RIF1: variants seen among roughly 807,000 people sequenced by gnomAD.
The protein encoded by RIF1 is telomere-associated protein RIF1.
A neutral mutation model predicts 247.1 loss-of-function variants in RIF1; 45 were observed. That is an observed-to-expected ratio of 0.18 (90% CI 0.14 to 0.23). RIF1 has a LOEUF of 0.23. Among genes scored for constraint, RIF1 ranks in the 10% least tolerant of loss-of-function variants. RIF1 has a pLI of 1.00. For missense variants in RIF1, 2,967 were observed against 2,862.5 expected, an observed-to-expected ratio of 1.04 and a Z score of -0.83; for synonymous variants, 1,087 against 978.8, an observed-to-expected ratio of 1.11 and a Z score of -2.06.
At chr2:151,509,980 A>C (rs752331021), downstream of RIF1, among the ~76,000 whole-genome samples, 4 of 152,218 alleles carry the variant, frequency 2.6e-5, no homozygotes, top group Non-Finnish European at 4.4e-5. Context: ...TCAAAATTAC[A>C]AAGTTTTTCA....
the RIF1 span, chr2:151,519,197 C>T: frequency 5.7e-6 from 4 of 703,212 alleles, no homozygotes; most frequent in Non-Finnish European, 1.0e-5. Context: ...ATACCTCATT[C>T]ATAGTAGCCA....
At chr2:151,447,166 A>T (rs1468876794) in intron 20 of RIF1, among the ~76,000 whole-genome samples, 1 of 150,852 alleles carries the variant, frequency 6.6e-6, no homozygotes, top group Non-Finnish European at 1.5e-5. Flanking sequence ...GATGGTCTCG[A>T]TCTCCTGACC....
chr2:151,503,347 A>G lies in RIF1; in HGVS notation c.*861+162A>G, dbSNP rs754895962. 1 of 1,597,674 alleles carries G rather than the reference A, an allele frequency of 6.3e-7. No individual in the cohort carries two copies. The highest frequency in any genetic ancestry group is 8.6e-7 in the Non-Finnish European group (1 of 1,166,068). On this transcript the variant is annotated intron_variant and NMD_transcript_variant, in intron 12 of 13. Coordinates refer to the RIF1 transcript ENST00000454583. Reference sequence around the variant, plus strand: ...TTTCTTATATGATATATTTGTAAATACCGAGCTAAAGTTCTCTTGATTGCG... The same window carrying G: ...TTTCTTATATGATATATTTGTAAATGCCGAGCTAAAGTTCTCTTGATTGCG...
At chr2:151,512,182 C>T (rs994476516), downstream of RIF1, among the ~76,000 whole-genome samples, 5 of 151,904 alleles carry the variant, frequency 3.3e-5, no homozygotes, top group Admixed American at 3.3e-4. Flanking sequence ...AGGTGCCTGC[C>T]ACCACGCCCG....
At chr2:151,453,989 G>A (rs1039726367) in intron 21 of RIF1, among the ~76,000 whole-genome samples, 1 of 152,154 alleles carries the variant, frequency 6.6e-6, no homozygotes, top group African/African-American at 2.4e-5. Context: ...TCACTTGTAT[G>A]TAACCAGTCT....
chr2:151,455,242 T>G, intron 22 of RIF1, 83 bp downstream of exon 22: 3 of 993,144 alleles, frequency 3.0e-6, no homozygotes, highest in Non-Finnish European at 4.3e-6. Context: ...TAATCAGCTG[T>G]GTTGTAGATG....
At chr2:151,417,244 G>A (rs11685727) in intron 6 of RIF1, among the ~76,000 whole-genome samples, 139,911 of 152,240 alleles carry the variant, frequency 0.92, 64,911 homozygotes, top group East Asian at 1. Context: ...TAGGAAGGCA[G>A]TCAGTGTTTA....
intron 20 of RIF1, among the ~76,000 whole-genome samples, chr2:151,451,277 C>T (rs561327080): frequency 1.7e-4 from 26 of 152,216 alleles, no homozygotes; most frequent in Non-Finnish European, 1.6e-4. Context: ...CTAGAGTATT[C>T]AGTATAGTAA....
chr2:151,505,039 TATG>T (rs1482337463), intron 12 of RIF1, among the ~76,000 whole-genome samples: 4 of 152,192 alleles, frequency 2.6e-5, no homozygotes. Context: ...CTATCATTCA[TATG>T]ATGTGTCATA....
chr2:151,413,928 A>G (rs1303628243), intron 3 of RIF1, among the ~76,000 whole-genome samples: 4 of 152,212 alleles, frequency 2.6e-5, no homozygotes, highest in Non-Finnish European at 4.4e-5. Flanking sequence ...AATGGGGTAC[A>G]GGGTAAAAGT....
At chr2:151,411,218 T>C (rs768815847) in intron 2 of RIF1, 42 bp from the exon 3 acceptor site, 69 of 1,135,400 alleles carry the variant, frequency 6.1e-5, no homozygotes, top group Middle Eastern at 2.1e-4. Flanking sequence ...TTTTTTTTTT[T>C]CCTGTCAACT....
At chr2:151,424,893 C>T (rs960958116) in intron 8 of RIF1, among the ~76,000 whole-genome samples, 1 of 124,996 alleles carries the variant, frequency 8.0e-6, no homozygotes, top group East Asian at 2.5e-4. Flanking sequence ...TGCCGTGCTG[C>T]TCAGGCTGGT....
intron 30 of RIF1, 66 bp from the exon 31 acceptor site, chr2:151,467,934 A>T: frequency 6.7e-7 from 1 of 1,486,502 alleles, no homozygotes. Flanking sequence ...CTCATAATGA[A>T]AATTTATGGT....
intron 12 of RIF1, among the ~76,000 whole-genome samples, chr2:151,503,829 G>C (rs913648226): frequency 2.8e-4 from 42 of 152,048 alleles, no homozygotes; most frequent in African/African-American, 9.9e-4. Flanking sequence ...TCCAATCATA[G>C]GATACTCTAT....
At chr2:151,467,861 G>A (rs1290799631) in intron 30 of RIF1, 139 bp from the exon 31 acceptor site, 1 of 678,574 alleles carries the variant, frequency 1.5e-6, no homozygotes, top group African/African-American at 1.8e-5. Context: ...CAGTCGCTAG[G>A]AACTGTGCAG....
chr2:151,465,325 T>A lies in RIF1; in HGVS notation c.5805T>A (p.Thr1935=), dbSNP rs148795978. 1.9e-6 allele frequency: 3 copies of A among 1,613,840 alleles called. No individual in the cohort carries two copies. The highest frequency in any genetic ancestry group is 2.5e-6 in the Non-Finnish European group (3 of 1,179,980). ...TTCATGGACAAGAGAGAACCAAAAC[T>A]GGTATTTCTGAAGAAGCAGCAATAG... The part of the protein sequence containing the change: ...ASFHGQERTK[T]GISEEAAIEE... The change falls in exon 30 of 36, where the codon ACT becomes ACA. Residue 1935 remains threonine (T), a synonymous_variant. Coordinates refer to ENST00000444746, the MANE Select transcript of RIF1 (RefSeq NM_018151.5).
At position 151,457,928 on chromosome 2, in the gene RIF1, C is replaced by A; in HGVS notation, c.2820C>A (p.Ala940=). The change falls in exon 24 of 36, where the codon GCC becomes GCA. Residue 940 remains alanine (A), a synonymous_variant. Transcript: ENST00000444746. The stretch of plus-strand genomic sequence containing the variant: ...CTCAGTTCTGGAATGCCACTTTTGC[C>A]AAAGTGATGATGTTGGTTTATCCTG... The part of the protein sequence containing the change: ...QSAQFWNATF[A]KVMMLVYPEE... 1.2e-6 allele frequency: 2 copies of A among 1,613,616 alleles called. No homozygotes were observed. Among genetic ancestry groups the A allele is most frequent in the South Asian group, 1.1e-5 (1 of 91,044 alleles).
intron 9 of RIF1, chr2:151,489,826 C>T: frequency 2.0e-6 from 1 of 502,804 alleles, no homozygotes; most frequent in Non-Finnish European, 3.5e-6. Flanking sequence ...TTTCTGATAT[C>T]ATTAATATGA....
rs1207007341 is a variant in RIF1, at chr2:151,476,049, G to A, written c.*978G>A. On this transcript the variant is annotated 3_prime_UTR_variant, in exon 36 of 36. Transcript: ENST00000444746. ...TATTTTCTAAAAGTATCCAGAATAA[G>A]TAAAATTATAGAAATAAGAAAATGT... The A allele has an allele frequency of 6.6e-6, 1 of 152,216 alleles. No individual in the cohort carries two copies. Among genetic ancestry groups the A allele is most frequent in the Admixed American group, 6.6e-5 (1 of 15,258 alleles). The allele number at this position is 152,216 out of a possible 1,614,324, so 9.4% of individuals were successfully genotyped here.
Sources: gnomAD v4.1 joint callset for allele counts (sites outside exome capture counted in the v4.1 genomes callset) on GRCh38, gnomAD v4.1.1 for gene constraint, MANE v1.5 for transcripts, NCBI Gene and HGNC (gene_info 2026-07-23, HGNC 2026-07-21) for gene names.